Variants in MTUS1 observed in about 807,000 individuals in gnomAD.
MTUS1 encodes the protein microtubule associated scaffold protein 1.
In MTUS1, 109 loss-of-function variants were observed where a neutral mutation model predicts 120.8. The observed-to-expected ratio is 0.90, with a 90% CI of 0.77 to 1.06. The LOEUF is 1.06. Among genes scored for constraint, MTUS1 ranks in the 50% least tolerant of loss-of-function variants. The pLI, the probability that MTUS1 is intolerant of heterozygous loss-of-function variation, is 0.00. For synonymous variants in MTUS1, 737 were observed against 550.5 expected, an observed-to-expected ratio of 1.34 and a Z score of -4.74; for missense variants, 2,210 against 1,486.3, an observed-to-expected ratio of 1.49 and a Z score of -8.01.
At chr8:17,668,587 A>T (rs1811391690) in intron 8 of MTUS1, among the ~76,000 whole-genome samples, 1 of 152,244 alleles carries the variant, frequency 6.6e-6, no homozygotes, top group South Asian at 2.1e-4. Context: ...AGAGAGTTAC[A>T]GCTCTCCTTT....
chr8:17,793,888 CACTT>C (rs1282548433), intron 1 of MTUS1, among the ~76,000 whole-genome samples: 2 of 152,138 alleles, frequency 1.3e-5, no homozygotes, highest in African/African-American at 2.4e-5. Flanking sequence ...ACAACACAAA[CACTT>C]ACTAACATCT....
chr8:17,738,160 T>C (rs2047061022), intron 3 of MTUS1, among the ~76,000 whole-genome samples: 1 of 152,180 alleles, frequency 6.6e-6, no homozygotes, highest in African/African-American at 2.4e-5. Context: ...GGTTTCTCTT[T>C]CTCTAGAAGA....
At chr8:17,783,822 A>T (rs1334118183) in intron 1 of MTUS1, among the ~76,000 whole-genome samples, 1 of 152,170 alleles carries the variant, frequency 6.6e-6, no homozygotes, top group Non-Finnish European at 1.5e-5. Context: ...CCTTAACGGC[A>T]ATCTGAGGCT....
intron 3 of MTUS1, among the ~76,000 whole-genome samples, chr8:17,728,267 A>T (rs2046345190): frequency 6.6e-6 from 1 of 152,148 alleles, no homozygotes; most frequent in Non-Finnish European, 1.5e-5. Flanking sequence ...ACACAACACC[A>T]CACCCGGCTA....
At chr8:17,724,199 C>G (rs1288131234) in intron 3 of MTUS1, 2 of 431,406 alleles carry the variant, frequency 4.6e-6, no homozygotes, top group East Asian at 6.9e-5. Flanking sequence ...TACGACCCCC[C>G]ATACTGGTGA....
chr8:17,796,072 C>T (rs2052202423), intron 1 of MTUS1, among the ~76,000 whole-genome samples: 1 of 151,944 alleles, frequency 6.6e-6, no homozygotes, highest in Admixed American at 6.6e-5. Context: ...GCCTCAGCCT[C>T]CTGAGTAGCT....
At chr8:17,781,270 T>C (rs990396772) in intron 1 of MTUS1, among the ~76,000 whole-genome samples, 1 of 152,216 alleles carries the variant, frequency 6.6e-6, no homozygotes, top group East Asian at 1.9e-4. Context: ...GAATTTCCAA[T>C]CAAAGTTTCT....
At chr8:17,668,589 C>T (rs570759645) in intron 8 of MTUS1, among the ~76,000 whole-genome samples, 96 of 152,318 alleles carry the variant, frequency 6.3e-4, no homozygotes, top group African/African-American at 2.2e-3. Context: ...AGAGTTACAG[C>T]TCTCCTTTAT....
At chr8:17,658,827 AAGTCACTTGCCCCC>A (rs2130350347) in intron 8 of MTUS1, among the ~76,000 whole-genome samples, 1 of 152,320 alleles carries the variant, frequency 6.6e-6, no homozygotes, top group Admixed American at 6.5e-5. Flanking sequence ...AGAAATACCC[AAGTCACTTGCCCCC>A]AGTCAGTATT....
intron 4 of MTUS1, among the ~76,000 whole-genome samples, chr8:17,718,470 G>A (rs151093264): frequency 7.9e-5 from 12 of 152,180 alleles, no homozygotes; most frequent in African/African-American, 2.2e-4. Flanking sequence ...CAGTGCATTC[G>A]CCCATATCGG....
chr8:17,773,277 C>T (rs1048565649), intron 1 of MTUS1, among the ~76,000 whole-genome samples: 2 of 152,146 alleles, frequency 1.3e-5, no homozygotes, highest in Non-Finnish European at 2.9e-5. Context: ...GATCACCATA[C>T]GTAGTGCAGG....
intron 8 of MTUS1, among the ~76,000 whole-genome samples, chr8:17,661,427 G>C (rs1417451878): frequency 3.3e-5 from 5 of 152,188 alleles, no homozygotes; most frequent in African/African-American, 7.2e-5. Flanking sequence ...CAGGGACTCA[G>C]CAATAAACAA....
chr8:17,758,590 T>A (rs1035542948), intron 1 of MTUS1, among the ~76,000 whole-genome samples: 4 of 152,388 alleles, frequency 2.6e-5, no homozygotes, highest in African/African-American at 9.6e-5. Flanking sequence ...AATATATTTA[T>A]TCATTTTTAG....
intron 6 of MTUS1, among the ~76,000 whole-genome samples, chr8:17,711,739 A>G (rs745609435): frequency 4.6e-5 from 7 of 152,206 alleles, no homozygotes; most frequent in Admixed American, 1.3e-4. Flanking sequence ...CTGGCTTTCA[A>G]TGTGCCCTCC....
chr8:17,693,483 A>T (rs190575862), intron 6 of MTUS1: 23 of 152,320 alleles, frequency 1.5e-4, no homozygotes, highest in African/African-American at 5.3e-4. Context: ...GAGAAAGCTT[A>T]TTCTGGCCGG....
chr8:17,681,167 C>A (rs912579288), intron 7 of MTUS1, among the ~76,000 whole-genome samples: 1 of 152,152 alleles, frequency 6.6e-6, no homozygotes, highest in Non-Finnish European at 1.5e-5. Context: ...CTTCTGACCT[C>A]AGGTGATCCA....
chr8:17,674,408 G>C lies in MTUS1; in HGVS notation c.2905+778C>G, dbSNP rs537618555. ...GCACTCCAGTCTGGTGACAGAGCAA[G>C]ATTCCGTCTCAAAAAAAAAAGAAAA... On this transcript the variant is annotated intron_variant, in intron 8 of 14. Transcript: ENST00000693296. 40 of 938,648 alleles carry C rather than the reference G, an allele frequency of 4.3e-5. No individual in the cohort carries two copies. In the South Asian group the frequency reaches 1.4e-3, roughly 34 times the overall value. 58.1% of individuals were successfully genotyped at this position (938,648 alleles called of 1,614,324 possible).
At chr8:17,694,448 C>A (rs182149195) in intron 6 of MTUS1, among the ~76,000 whole-genome samples, 106 of 152,152 alleles carry the variant, frequency 7.0e-4, no homozygotes, top group African/African-American at 2.4e-3. Flanking sequence ...GGCGAATTGC[C>A]TGAGGTCAGG....
At chr8:17,782,946 T>C (rs1477880180) in intron 1 of MTUS1, among the ~76,000 whole-genome samples, 1 of 152,078 alleles carries the variant, frequency 6.6e-6, no homozygotes, top group African/African-American at 2.4e-5. Context: ...GGTGTGGTAG[T>C]GGGCGCCTGT....
Sources: gnomAD v4.1 joint callset for allele counts (sites outside exome capture counted in the v4.1 genomes callset) on GRCh38, gnomAD v4.1.1 for gene constraint, MANE v1.5 for transcripts, NCBI Gene and HGNC (gene_info 2026-07-23, HGNC 2026-07-21) for gene names.